GRIK4: variants seen among roughly 807,000 people sequenced by gnomAD.
GRIK4 encodes the protein glutamate receptor ionotropic, kainate 4.
A neutral mutation model predicts 104.9 loss-of-function variants in GRIK4; 40 were observed. The ratio of observed to expected loss-of-function variants is 0.38; its 90% CI spans 0.30 to 0.50. The LOEUF (loss-of-function observed/expected upper bound fraction) is 0.50, where lower values mean the gene tolerates loss of function less well. GRIK4 is among the 20% of genes least tolerant of loss of function. The pLI, the probability that GRIK4 is intolerant of heterozygous loss-of-function variation, is 0.93. For missense variants in GRIK4, 1,047 were observed against 1,308.1 expected (o/e 0.80, Z 3.08); for synonymous variants, 485 against 524.9 (o/e 0.92, Z 1.04).
intron 8 of GRIK4, among the ~76,000 whole-genome samples, chr11:120,856,644 G>C (rs1954112060): frequency 6.6e-6 from 1 of 152,130 alleles, no homozygotes; most frequent in African/African-American, 2.4e-5. Flanking sequence ...GGTTAGGAAG[G>C]CAAAGGGGAA....
chr11:120,706,554 G>C (rs1023796871), intron 3 of GRIK4, among the ~76,000 whole-genome samples: 6 of 152,168 alleles, frequency 3.9e-5, no homozygotes, highest in African/African-American at 1.4e-4. Flanking sequence ...GGACTTCCAG[G>C]TGAGGGGCTG....
chr11:120,720,137 G>T (rs766009477), intron 3 of GRIK4, among the ~76,000 whole-genome samples: 1 of 152,164 alleles, frequency 6.6e-6, no homozygotes, highest in Non-Finnish European at 1.5e-5. Context: ...CAGGTTGTGT[G>T]TGTTGTGGGG....
At chr11:120,659,279 T>C (rs920948447) in intron 2 of GRIK4, among the ~76,000 whole-genome samples, 12 of 151,740 alleles carry the variant, frequency 7.9e-5, no homozygotes, top group Admixed American at 7.9e-4. Flanking sequence ...TTGGTAGAGG[T>C]TGGGGGTGGG....
intron 1 of GRIK4, among the ~76,000 whole-genome samples, chr11:120,522,421 G>A (rs1329354316): frequency 2.0e-5 from 3 of 151,998 alleles, no homozygotes; most frequent in African/African-American, 7.3e-5. Context: ...TTCCGGGTTC[G>A]AGCGATTCTC....
At chr11:120,632,353 A>G (rs1285875099) in intron 1 of GRIK4, among the ~76,000 whole-genome samples, 1 of 152,138 alleles carries the variant, frequency 6.6e-6, no homozygotes, top group Non-Finnish European at 1.5e-5. Context: ...AAACTACGAC[A>G]TCCACCTCAT....
At chr11:120,832,084 C>A in intron 7 of GRIK4, 54 bp downstream of exon 7, 4 of 1,327,356 alleles carry the variant, frequency 3.0e-6, no homozygotes, top group Admixed American at 3.7e-5. Context: ...CTCCCCCCTC[C>A]TTGCCTTGAG....
At chr11:120,824,451 C>T (rs1201859411) in intron 6 of GRIK4, among the ~76,000 whole-genome samples, 2 of 152,176 alleles carry the variant, frequency 1.3e-5, no homozygotes, top group East Asian at 3.8e-4. Flanking sequence ...CTGTTGACCT[C>T]AGGCTGGGCC....
chr11:120,782,950 G>A (rs1486729567), intron 3 of GRIK4, among the ~76,000 whole-genome samples: 2 of 152,184 alleles, frequency 1.3e-5, no homozygotes, highest in Non-Finnish European at 2.9e-5. Flanking sequence ...GAGTGCATGA[G>A]GCCTCTTTAT....
rs921671439 is a variant in GRIK4 at position 120,956,628 on chromosome 11, T to A, written c.1701-152T>A. ...AACCCACTTATTTTATTTTATTTTT[T>A]TTTTGGTTGCGAAACTCCAAGTCCA... On this transcript the variant is annotated intron_variant, in intron 15 of 20. Coordinates refer to ENST00000527524, the MANE Select transcript of GRIK4 (RefSeq NM_014619.5). This position sits in a 1 kb window ranked among gnomAD's most constrained non-coding sequence, Gnocchi z 4.6. 2.0e-5 allele frequency: 9 copies of A among 440,576 alleles called. No individual in the cohort carries two copies. Among genetic ancestry groups the A allele is most frequent in the African/African-American group, 1.8e-4 (9 of 50,008 alleles). The allele number at this position is 440,576 out of a possible 1,614,324, so 27.3% of individuals were successfully genotyped here.
chr11:120,863,801 TTA>T (rs1199880959), intron 9 of GRIK4, among the ~76,000 whole-genome samples: 5 of 152,192 alleles, frequency 3.3e-5, no homozygotes, highest in Non-Finnish European at 7.4e-5. Flanking sequence ...GGGCCTGGAC[TTA>T]ATGACCTTTC....
At chr11:120,529,633 T>C (rs1947902368) in intron 1 of GRIK4, among the ~76,000 whole-genome samples, 1 of 152,244 alleles carries the variant, frequency 6.6e-6, no homozygotes, top group Non-Finnish European at 1.5e-5. Context: ...CTGTCACTTA[T>C]CCTTCTGTGA....
chr11:120,958,540 A>G (rs672176), intron 16 of GRIK4, among the ~76,000 whole-genome samples: 100,169 of 152,182 alleles, frequency 0.66, 34,130 homozygotes, highest in East Asian at 0.99. Context: ...GCCTACCTCG[A>G]CCTCCTCACC....
At chr11:120,565,603 A>G (rs574207318) in intron 1 of GRIK4, among the ~76,000 whole-genome samples, 1 of 152,234 alleles carries the variant, frequency 6.6e-6, no homozygotes, top group African/African-American at 2.4e-5. Flanking sequence ...TGTACGAGGT[A>G]CAACAGAACA....
chr11:120,815,513 G>T (rs1382723397), intron 5 of GRIK4, 38 bp downstream of exon 5: 1 of 1,246,994 alleles, frequency 8.0e-7, no homozygotes. Context: ...TCTGTGTGCT[G>T]GAGCCTGTGC....
At chr11:120,670,412 A>G (rs551471933) in intron 3 of GRIK4, among the ~76,000 whole-genome samples, 2 of 152,356 alleles carry the variant, frequency 1.3e-5, no homozygotes, top group East Asian at 3.9e-4. Context: ...AGGGCGGTCC[A>G]TGAACTGCCC....
At chr11:120,645,015 G>A (rs928842641) in intron 1 of GRIK4, among the ~76,000 whole-genome samples, 3 of 152,128 alleles carry the variant, frequency 2.0e-5, no homozygotes, top group Non-Finnish European at 2.9e-5. Context: ...ATGTGTCTAC[G>A]TATATGTACA....
intron 12 of GRIK4, among the ~76,000 whole-genome samples, chr11:120,904,682 G>A (rs17124522): frequency 0.076 from 11,549 of 152,182 alleles, 1,491 homozygotes; most frequent in African/African-American, 0.26. Context: ...AAGGTCCATC[G>A]TCCACTGAGC....
intron 13 of GRIK4, among the ~76,000 whole-genome samples, chr11:120,909,029 C>T (rs1045992051): frequency 4.6e-5 from 7 of 152,180 alleles, no homozygotes; most frequent in East Asian, 1.9e-4. Context: ...GCTGGAGGCT[C>T]GAGGACAGGG....
intron 20 of GRIK4, among the ~76,000 whole-genome samples, chr11:120,983,432 C>T (rs1055105689): frequency 6.6e-6 from 1 of 152,196 alleles, no homozygotes; most frequent in Admixed American, 6.5e-5. Context: ...GGTCTGACCC[C>T]TCCCAGTGGA....
Sources: allele counts gnomAD v4.1 joint callset (sites outside exome capture counted in the v4.1 genomes callset), GRCh38; gene constraint gnomAD v4.1.1; non-coding constraint Gnocchi (gnomAD v3.1); transcripts MANE v1.5; gene names NCBI Gene and HGNC (gene_info 2026-07-23, HGNC 2026-07-21).